PCDH19: variants seen among roughly 807,000 people sequenced by gnomAD.
PCDH19 encodes the protein protocadherin-19.
PCDH19 carries 6 observed loss-of-function variants against 46.2 expected under a neutral mutation model. That is an observed-to-expected ratio of 0.13 (90% CI 0.07 to 0.26). The LOEUF (loss-of-function observed/expected upper bound fraction) is 0.26. Among genes scored for constraint, PCDH19 ranks in the 10% least tolerant of loss-of-function variants. PCDH19 has a pLI of 1.00. For synonymous variants in PCDH19, 481 were observed against 415.7 expected, an observed-to-expected ratio of 1.16 and a Z score of -1.91; for missense variants, 740 against 972.3, an observed-to-expected ratio of 0.76 and a Z score of 3.18.
chrX:100,358,623 C>A (rs1413661225), intron 3 of PCDH19, among the ~76,000 whole-genome samples: 1 of 112,074 alleles, frequency 8.9e-6, no homozygotes, highest in Non-Finnish European at 1.9e-5. Flanking sequence ...TCAAAGCCTG[C>A]TGAAAGACGA....
At chrX:100,399,683 C>T (rs769775720) in intron 3 of PCDH19, among the ~76,000 whole-genome samples, 1 of 111,530 alleles carries the variant, frequency 9.0e-6, no homozygotes, top group Admixed American at 9.5e-5. Flanking sequence ...GTAAGTGGGC[C>T]TCTCTCCTTT....
chrX:100,399,018 C>G (rs1413553893), intron 3 of PCDH19, among the ~76,000 whole-genome samples: 1 of 111,852 alleles, frequency 8.9e-6, no homozygotes, highest in Non-Finnish European at 1.9e-5. Context: ...TGTAAGCTCC[C>G]TGGGTTCAAG....
rs762834002 is a variant in PCDH19 at position 100,406,847 on chromosome X, C to G, written c.1751G>C (p.Gly584Ala). The change falls in exon 1 of 6, where the codon GGC (glycine) becomes GCC (alanine). Residue 584 changes from glycine (G) to alanine (A), a missense_variant. This residue lies in a region of PCDH19 where 416 missense variants were observed against 476.8 expected (regional missense o/e 0.87). Transcript: ENST00000373034. ...TGCCTTGACAACAGTCACCAGGTAG[C>G]CTATGCCAGAGTTGCGGGGTATGTA... ...EVYIPRNSGIGYLVTVVKAED... is the reference protein window; with the variant it reads ...EVYIPRNSGIAYLVTVVKAED... 8.3e-7 allele frequency: 1 copy of G among 1,211,891 alleles called. No homozygotes were observed. The highest frequency in any genetic ancestry group is 1.8e-5 in the South Asian group (1 of 56,984).
intron 5 of PCDH19, among the ~76,000 whole-genome samples, chrX:100,311,824 A>T (rs1183148179): frequency 9.0e-6 from 1 of 111,101 alleles, no homozygotes; most frequent in Admixed American, 9.6e-5. Context: ...GTCATAAAAA[A>T]GTCTAGCATT....
At position 100,335,611 on chromosome X, in the gene PCDH19, T is replaced by C. The variant is rs548775839; in HGVS notation, c.2848+6292A>G. ...TTAATGGCCCCAAAATCTATTCTTA[T>C]AATTTTTTAAAATAGAATTATTCAT... On this transcript the variant is annotated intron_variant, in intron 5 of 5. Coordinates refer to ENST00000373034, the MANE Select transcript of PCDH19 (RefSeq NM_001184880.2). Among the ~76,000 whole-genome samples, 11 of 112,144 alleles carry C rather than the reference T, an allele frequency of 9.8e-5. No individual in the cohort carries two copies. The South Asian group carries it at 4.1e-3, about 42-fold the overall frequency.
chrX:100,400,588 G>C (rs1602631090), intron 3 of PCDH19, among the ~76,000 whole-genome samples: 3 of 112,636 alleles, frequency 2.7e-5, no homozygotes, highest in Non-Finnish European at 5.6e-5. Flanking sequence ...GGCCTTAGTA[G>C]TATTCACTGA....
At chrX:100,370,502 C>T (rs758067735) in intron 3 of PCDH19, among the ~76,000 whole-genome samples, 2 of 112,036 alleles carry the variant, frequency 1.8e-5, no homozygotes, top group South Asian at 3.7e-4. Flanking sequence ...CCTCTCTGCA[C>T]GATTAAGAAT....
At position 100,293,157 on chromosome X, in the gene PCDH19, ATT is replaced by A. The variant is rs1424596658; in HGVS notation, c.*3118_*3119del. 1 of 112,085 alleles carries A rather than the reference ATT, an allele frequency of 8.9e-6. No homozygotes were observed. The highest frequency in any genetic ancestry group is 1.9e-5 in the Non-Finnish European group (1 of 53,275). The allele number at this position is 112,085 out of a possible 1,213,427, so 9.2% of individuals were successfully genotyped here. A position where few individuals can be genotyped will look rare whatever the true frequency, so the allele number is the denominator to read the frequency against. ...AAGATGATACTCTTGAGTGGTTCCAATTTTCAGAGATCTAAATTGTATTTTTT... is the reference window on the plus strand; with the variant it reads ...AAGATGATACTCTTGAGTGGTTCCAATTCAGAGATCTAAATTGTATTTTTT... On this transcript the variant is annotated 3_prime_UTR_variant, in exon 6 of 6. Transcript: ENST00000373034.
chrX:100,406,777 C>A lies in PCDH19; in HGVS notation c.1821G>T (p.Met607Ile). 1.7e-6 allele frequency: 2 copies of A among 1,211,856 alleles called. No homozygotes were observed. Among genetic ancestry groups the A allele is most frequent in the Non-Finnish European group, 2.2e-6 (2 of 895,559 alleles). ...EGENGRVTYD[M>I]TEGDRGFFEI... is the part of the protein sequence containing the mutation. Reference sequence around the variant, plus strand: ...CAAAGAAGCCGCGGTCGCCCTCGGTCATGTCGTAGGTGACTCGGCCATTTT... The same window carrying A: ...CAAAGAAGCCGCGGTCGCCCTCGGTAATGTCGTAGGTGACTCGGCCATTTT... Residue 607 changes from methionine to isoleucine, a missense_variant, in exon 1 of 6, where the codon ATG becomes ATT. Physicochemically the swap from Met to Ile is conservative, Grantham distance 10 (BLOSUM62 1). Coordinates refer to ENST00000373034, the MANE Select transcript of PCDH19 (RefSeq NM_001184880.2).
chrX:100,409,752 C>A lies in PCDH19; in HGVS notation c.-1155G>T. 3.9e-6 allele frequency: 1 copy of A among 256,520 alleles called. No individual in the cohort carries two copies. The highest frequency in any genetic ancestry group is 4.9e-5 in the South Asian group (1 of 20,221). 21.1% of individuals were successfully genotyped at this position (256,520 alleles called of 1,213,427 possible). A position where few individuals can be genotyped will look rare whatever the true frequency, so the allele number is the denominator to read the frequency against. ...GCCGCCGCCGCCGCGGGAGGAAGCC[C>A]TCCTAGCTCAGTTGCACGTCGCTGG... On this transcript the variant is annotated 5_prime_UTR_variant, in exon 1 of 6. The change creates a new upstream start codon in the 5' untranslated region. Coordinates refer to ENST00000373034, the MANE Select transcript of PCDH19 (RefSeq NM_001184880.2).
At chrX:100,380,794 G>A (rs900491659) in intron 3 of PCDH19, among the ~76,000 whole-genome samples, 7 of 112,064 alleles carry the variant, frequency 6.2e-5, no homozygotes, top group African/African-American at 1.9e-4. Flanking sequence ...ATCAAAACCC[G>A]TTTCCCTGCT....
At chrX:100,340,171 C>T (rs1344320175) in intron 5 of PCDH19, among the ~76,000 whole-genome samples, 2 of 111,337 alleles carry the variant, frequency 1.8e-5, no homozygotes, top group African/African-American at 6.5e-5. Context: ...GAATACTCGT[C>T]TTATTATCCA....
At chrX:100,349,433 C>T (rs1926507596) in intron 4 of PCDH19, among the ~76,000 whole-genome samples, 1 of 111,882 alleles carries the variant, frequency 8.9e-6, no homozygotes, top group Non-Finnish European at 1.9e-5. Context: ...TTTCAGACAA[C>T]TAATGATCAT....
chrX:100,322,865 A>ATATTTTTTTTTTTTT, intron 5 of PCDH19, among the ~76,000 whole-genome samples: 21 of 54,404 alleles, frequency 3.9e-4, no homozygotes, highest in Non-Finnish European at 6.6e-4. Flanking sequence ...ATATATATAT[A>ATATTTTTTTTTTTTT]TTTTTGCAGC....
In PCDH19 at chrX:100,292,527, G is replaced by A. The variant is rs757341638; in HGVS notation, c.*3750C>T. On this transcript the variant is annotated 3_prime_UTR_variant, in exon 6 of 6. Coordinates refer to ENST00000373034, the MANE Select transcript of PCDH19 (RefSeq NM_001184880.2). ...GCCAATTCCAGCGGCACAAGAAAACGAAGAGAGCTGCAACAACTTCATTAG... is the reference window on the plus strand; with the variant it reads ...GCCAATTCCAGCGGCACAAGAAAACAAAGAGAGCTGCAACAACTTCATTAG... 1.8e-5 allele frequency: 2 copies of A among 112,354 alleles called. No homozygotes were observed. Among genetic ancestry groups the A allele is most frequent in the Admixed American group, 9.5e-5 (1 of 10,545 alleles). 9.3% of individuals were successfully genotyped at this position (112,354 alleles called of 1,213,427 possible).
At chrX:100,304,521 A>ACC (rs1924879884) in intron 5 of PCDH19, among the ~76,000 whole-genome samples, 1 of 111,693 alleles carries the variant, frequency 9.0e-6, no homozygotes, top group African/African-American at 3.3e-5. Flanking sequence ...GTTCTTTAAC[A>ACC]CCCCCAAAAG....
chrX:100,377,398 C>T (rs1385793021), intron 3 of PCDH19, among the ~76,000 whole-genome samples: 1 of 111,751 alleles, frequency 8.9e-6, no homozygotes, highest in Non-Finnish European at 1.9e-5. Context: ...AGAGTAAAAC[C>T]AATACTTAAC....
chrX:100,341,800 C>A, intron 5 of PCDH19, 103 bp downstream of exon 5: 1 of 717,414 alleles, frequency 1.4e-6, no homozygotes. Flanking sequence ...GCTCTGTAGA[C>A]ACCTTGATAA....
At position 100,375,394 on chromosome X, in the gene PCDH19, C is replaced by T. The variant is rs970611562; in HGVS notation, c.2617-24690G>A. ...GTTTGCTGAGAATGATGGTTTCCAG[C>T]TTCATCCATGTCCCTACAAAGGACA... On this transcript the variant is annotated intron_variant, in intron 3 of 5. Transcript: ENST00000373034. 1.3e-4 allele frequency among the ~76,000 whole-genome samples: 14 copies of T among 111,924 alleles called. 1 individual carries two copies. Among genetic ancestry groups the T allele is most frequent in the Non-Finnish European group, 2.1e-4 (11 of 53,198 alleles).
Sources: gnomAD v4.1 joint callset for allele counts (sites outside exome capture counted in the v4.1 genomes callset) on GRCh38, gnomAD v4.1.1 for gene constraint, gnomAD v4.1.1 regional missense constraint, MANE v1.5 for transcripts, NCBI Gene and HGNC (gene_info 2026-07-23, HGNC 2026-07-21) for gene names.